COLEC12: variants seen among roughly 807,000 people sequenced by gnomAD.
COLEC12 encodes the protein collectin-12.
COLEC12 carries 33 observed loss-of-function variants against 71.1 expected under a neutral mutation model. That is an observed-to-expected ratio of 0.46 (90% CI 0.35 to 0.62). The LOEUF (loss-of-function observed/expected upper bound fraction) is 0.62. Ranked by LOEUF, COLEC12 falls within the 20% of genes least tolerant of loss-of-function variation. The pLI is 0.00. For missense variants in COLEC12, 765 were observed against 916.1 expected (o/e 0.84, Z 2.13); for synonymous variants, 350 against 353.0 (o/e 0.99, Z 0.10).
At chr18:401,202 T>C (rs535015027) in intron 2 of COLEC12, among the ~76,000 whole-genome samples, 37 of 152,372 alleles carry the variant, frequency 2.4e-4, no homozygotes, top group African/African-American at 8.4e-4. Flanking sequence ...ATGTTCTTTT[T>C]GGTACTATCT....
intron 2 of COLEC12, among the ~76,000 whole-genome samples, chr18:423,003 G>T (rs1269239914): frequency 6.6e-6 from 1 of 152,238 alleles, no homozygotes; most frequent in Non-Finnish European, 1.5e-5. Flanking sequence ...GGGTACAGTG[G>T]CTTACGCCTG....
At chr18:455,675 G>A (rs1916856518) in intron 2 of COLEC12, among the ~76,000 whole-genome samples, 1 of 150,980 alleles carries the variant, frequency 6.6e-6, no homozygotes, top group Non-Finnish European at 1.5e-5. Flanking sequence ...AGGCCTGGGT[G>A]TGTGACATTC....
intron 2 of COLEC12, among the ~76,000 whole-genome samples, chr18:374,709 C>T (rs1915075834): frequency 6.6e-6 from 1 of 152,172 alleles, no homozygotes; most frequent in Non-Finnish European, 1.5e-5. Context: ...TAAACATTTC[C>T]CTCACCCTTC....
At chr18:456,198 T>A (rs140852952) in intron 2 of COLEC12, among the ~76,000 whole-genome samples, 1 of 152,088 alleles carries the variant, frequency 6.6e-6, no homozygotes, top group Non-Finnish European at 1.5e-5. Context: ...CTCACAGAGG[T>A]AGGCATGACA....
chr18:427,960 G>A (rs1229479262), intron 2 of COLEC12, among the ~76,000 whole-genome samples: 1 of 152,120 alleles, frequency 6.6e-6, no homozygotes, highest in Non-Finnish European at 1.5e-5. Flanking sequence ...TCCCAGGGAA[G>A]TCCTACCTAA....
intron 2 of COLEC12, among the ~76,000 whole-genome samples, chr18:465,930 C>T (rs1388349694): frequency 2.0e-5 from 3 of 152,154 alleles, no homozygotes; most frequent in South Asian, 2.1e-4. Context: ...AAACATTAGC[C>T]GGGCGTGGGG....
chr18:343,840 A>G (rs1341516347), intron 5 of COLEC12, among the ~76,000 whole-genome samples: 3 of 152,214 alleles, frequency 2.0e-5, no homozygotes, highest in Admixed American at 6.5e-5. Context: ...TAGCTGCTTC[A>G]TAGAGCTGCT....
intron 2 of COLEC12, among the ~76,000 whole-genome samples, chr18:453,387 G>A (rs1412068479): frequency 6.6e-6 from 1 of 152,106 alleles, no homozygotes; most frequent in Non-Finnish European, 1.5e-5. Flanking sequence ...GGAGGAAGAG[G>A]AAAATTATCA....
chr18:430,521 C>T (rs1567905794), intron 2 of COLEC12, among the ~76,000 whole-genome samples: 1 of 152,082 alleles, frequency 6.6e-6, no homozygotes, highest in Non-Finnish European at 1.5e-5. Context: ...TAAATTTAAA[C>T]TTCCAGTGAA....
chr18:426,592 G>T (rs1310745868), intron 2 of COLEC12, among the ~76,000 whole-genome samples: 1 of 152,078 alleles, frequency 6.6e-6, no homozygotes, highest in Non-Finnish European at 1.5e-5. Context: ...CCTGTGAATT[G>T]GCTGTAACAT....
At position 333,080 on chromosome 18, in the gene COLEC12, A is replaced by T; in HGVS notation, c.1880T>A (p.Ile627Asn). ...KCYYFSVEKE[I>N]FEDAKLFCED... is the part of the protein sequence containing the mutation. Reference sequence around the variant, plus strand: ...ACAGAAAAGCTTTGCATCCTCAAAAATTTCTTTCTCAACTGAAAAATAGTA... The same window carrying T: ...ACAGAAAAGCTTTGCATCCTCAAAATTTTCTTTCTCAACTGAAAAATAGTA... Residue 627 changes from isoleucine (I) to asparagine (N), a missense_variant, in exon 7 of 10, where the codon ATT becomes AAT. Transcript: ENST00000400256. 6.2e-7 allele frequency: 1 copy of T among 1,612,470 alleles called. No homozygotes were observed. The highest frequency in any genetic ancestry group is 1.3e-5 in the African/African-American group (1 of 74,996).
chr18:459,606 G>A (rs955790885), intron 2 of COLEC12, among the ~76,000 whole-genome samples: 2 of 152,190 alleles, frequency 1.3e-5, no homozygotes, highest in East Asian at 1.9e-4. Context: ...GGGCCCCAGC[G>A]CAGCTTTCTT....
chr18:387,915 G>A (rs1212426543), intron 2 of COLEC12, among the ~76,000 whole-genome samples: 1 of 152,186 alleles, frequency 6.6e-6, no homozygotes, highest in East Asian at 1.9e-4. Flanking sequence ...GAAATTGTCA[G>A]TTCAGCCAAT....
chr18:356,092 G>C (rs1914623725), intron 3 of COLEC12, among the ~76,000 whole-genome samples: 1 of 152,138 alleles, frequency 6.6e-6, no homozygotes, highest in South Asian at 2.1e-4. Context: ...CTGTACTGAG[G>C]ATGTTTGACA....
intron 8 of COLEC12, among the ~76,000 whole-genome samples, chr18:328,049 G>A (rs1006044704): frequency 6.6e-6 from 1 of 151,880 alleles, no homozygotes; most frequent in Non-Finnish European, 1.5e-5. Flanking sequence ...TATTGCTCAG[G>A]CTGGTCTTGA....
At chr18:382,802 ATTTTG>A (rs916358983) in intron 2 of COLEC12, among the ~76,000 whole-genome samples, 10 of 152,306 alleles carry the variant, frequency 6.6e-5, no homozygotes, top group Middle Eastern at 6.8e-3. Context: ...TTATTTTTAA[ATTTTG>A]TTTTAAGTGA....
intron 1 of COLEC12, among the ~76,000 whole-genome samples, chr18:495,439 G>A (rs900318951): frequency 2.0e-5 from 3 of 152,162 alleles, no homozygotes; most frequent in Non-Finnish European, 2.9e-5. Flanking sequence ...TTAGCAAGAC[G>A]AGTGTAGGGG....
At position 375,546 on chromosome 18, in the gene COLEC12, G is replaced by A. The variant is rs535151867; in HGVS notation, c.59-18024C>T. Among the ~76,000 whole-genome samples, 45 of 152,214 alleles carry A rather than the reference G, an allele frequency of 3.0e-4. 1 individual carries two copies. The South Asian group carries it at 6.6e-3, about 22-fold the overall frequency. ...ATGTTGCCCAGGCTGGAGTGCAGTG[G>A]CTATTCCTAGGTGCACTCATAGCTC... On this transcript the variant is annotated intron_variant, in intron 2 of 9. Transcript: ENST00000400256.
At chr18:415,321 A>G (rs1337191163) in intron 2 of COLEC12, among the ~76,000 whole-genome samples, 1 of 152,202 alleles carries the variant, frequency 6.6e-6, no homozygotes, top group African/African-American at 2.4e-5. Flanking sequence ...TAGATTTTCT[A>G]TCCTCAGTTA....
Sources: gnomAD v4.1 joint callset for allele counts (sites outside exome capture counted in the v4.1 genomes callset) on GRCh38, gnomAD v4.1.1 for gene constraint, MANE v1.5 for transcripts, NCBI Gene and HGNC (gene_info 2026-07-23, HGNC 2026-07-21) for gene names.